The following EYA4 variants were observed in gnomAD, a reference collection of about 807,000 sequenced individuals.
The protein encoded by EYA4 is protein phosphatase EYA4.
A neutral mutation model predicts 87.9 loss-of-function variants in EYA4; 31 were observed. The observed-to-expected ratio is 0.35, with a 90% CI of 0.27 to 0.48. The LOEUF is 0.48. EYA4 is among the 20% of genes least tolerant of loss of function. EYA4 has a pLI of 0.99. For synonymous variants in EYA4, 263 were observed against 270.6 expected, an observed-to-expected ratio of 0.97 and a Z score of 0.28; for missense variants, 678 against 761.4, an observed-to-expected ratio of 0.89 and a Z score of 1.29.
At chr6:133,252,845 G>A (rs1055495242) in intron 1 of EYA4, among the ~76,000 whole-genome samples, 2 of 151,894 alleles carry the variant, frequency 1.3e-5, no homozygotes, top group African/African-American at 2.4e-5. Flanking sequence ...TACTTTAATT[G>A]TATTAGGTAG....
chr6:133,292,200 C>T (rs1359106464), intron 2 of EYA4, among the ~76,000 whole-genome samples: 6 of 152,146 alleles, frequency 3.9e-5, no homozygotes, highest in Non-Finnish European at 5.9e-5. Flanking sequence ...AGACACATTC[C>T]GTTGCACAAA....
intron 3 of EYA4, among the ~76,000 whole-genome samples, chr6:133,389,137 A>C (rs954983881): frequency 6.6e-6 from 1 of 152,072 alleles, no homozygotes; most frequent in Non-Finnish European, 1.5e-5. Context: ...CCCTTCTCTA[A>C]TTAGAGACAA....
At chr6:133,254,403 G>A (rs887505225) in intron 1 of EYA4, among the ~76,000 whole-genome samples, 30 of 152,124 alleles carry the variant, frequency 2.0e-4, no homozygotes, top group South Asian at 4.2e-4. Flanking sequence ...AAAAATATAC[G>A]TGGCCTTTTG....
chr6:133,527,514 C>T (rs1013406125), intron 19 of EYA4, among the ~76,000 whole-genome samples: 1 of 152,180 alleles, frequency 6.6e-6, no homozygotes, highest in African/African-American at 2.4e-5. Flanking sequence ...AATAACATGT[C>T]AACCCAGTAT....
At chr6:133,466,113 A>G (rs1583357487) in intron 10 of EYA4, among the ~76,000 whole-genome samples, 1 of 152,124 alleles carries the variant, frequency 6.6e-6, no homozygotes, top group East Asian at 1.9e-4. Context: ...AGAAGGATTC[A>G]GTCCTCCGAA....
At chr6:133,452,866 T>C (rs1583318421) in intron 5 of EYA4, 1 of 152,212 alleles carries the variant, frequency 6.6e-6, no homozygotes, top group East Asian at 1.9e-4. Flanking sequence ...ACTCACTTAC[T>C]TTGAAGATAC....
intron 2 of EYA4, among the ~76,000 whole-genome samples, chr6:133,323,236 T>C (rs1268291497): frequency 6.6e-6 from 1 of 152,092 alleles, no homozygotes; most frequent in Admixed American, 6.6e-5. Context: ...GTTGGTCAGA[T>C]AGAAGAAGAG....
intron 13 of EYA4, among the ~76,000 whole-genome samples, chr6:133,504,457 A>G (rs1334400920): frequency 6.6e-6 from 1 of 152,212 alleles, no homozygotes; most frequent in East Asian, 1.9e-4. Context: ...TCTCTAAATG[A>G]GAAGATGCAA....
intron 2 of EYA4, among the ~76,000 whole-genome samples, chr6:133,327,597 A>C (rs1162141494): frequency 6.6e-6 from 1 of 152,310 alleles, no homozygotes; most frequent in South Asian, 2.1e-4. Context: ...TTTTTCCCCG[A>C]GTAACAAAGA....
Position 133,506,164 on chromosome 6 carries a change from C to G in EYA4, c.1250C>G (p.Ala417Gly). 6.2e-7 allele frequency: 1 copy of G among 1,608,802 alleles called. No individual in the cohort carries two copies. The highest frequency in any genetic ancestry group is 8.5e-7 in the Non-Finnish European group (1 of 1,175,336). ...ATGGAAGAAATGATTTTTAATCTTG[C>G]TGATACTCATTTGTTTTTTAATGAT... is the stretch of plus-strand genomic sequence containing the variant. The part of the protein sequence containing the change: ...LRMEEMIFNL[A>G]DTHLFFNDLE... Residue 417 changes from alanine (A) to glycine (G), a missense_variant, in exon 14 of 20, where the codon GCT (alanine) becomes GGT (glycine). Coordinates refer to ENST00000355286, the MANE Select transcript of EYA4 (RefSeq NM_004100.5).
chr6:133,398,011 G>C (rs79625933), intron 3 of EYA4, among the ~76,000 whole-genome samples: 4,643 of 152,226 alleles, frequency 0.031, 191 homozygotes, highest in East Asian at 0.18. Flanking sequence ...ATTGTTTTGT[G>C]TGTCTTTTCC....
At position 133,262,566 on chromosome 6, in the gene EYA4, C is replaced by CA. The variant is rs532076556; in HGVS notation, c.-65-12149dup. ...GGCAACCATCACCAATTAGCAAACA[C>CA]AGACAAAATAGAACACCTTGTTTGG... is the stretch of plus-strand genomic sequence containing the variant. On this transcript the variant is annotated intron_variant, in intron 1 of 19. Coordinates refer to ENST00000355286, the MANE Select transcript of EYA4 (RefSeq NM_004100.5). 2.8e-4 allele frequency among the ~76,000 whole-genome samples: 43 copies of CA among 152,296 alleles called. No homozygotes were observed. In the South Asian group the frequency reaches 8.7e-3, roughly 31 times the overall value.
intron 3 of EYA4, among the ~76,000 whole-genome samples, chr6:133,398,201 T>C (rs1787965708): frequency 6.6e-6 from 1 of 152,236 alleles, no homozygotes; most frequent in African/African-American, 2.4e-5. Context: ...TTATTTTCCA[T>C]GTTTGCAATT....
At chr6:133,382,958 A>G (rs1210358061) in intron 3 of EYA4, among the ~76,000 whole-genome samples, 2 of 152,200 alleles carry the variant, frequency 1.3e-5, no homozygotes, top group African/African-American at 2.4e-5. Flanking sequence ...GCCACTTCAT[A>G]TAGGAATTTA....
At chr6:133,428,345 A>G (rs1304194775) in intron 3 of EYA4, among the ~76,000 whole-genome samples, 1 of 152,230 alleles carries the variant, frequency 6.6e-6, no homozygotes, top group Non-Finnish European at 1.5e-5. Flanking sequence ...CTGAGGCTGC[A>G]GATAAGGACA....
At chr6:133,259,861 A>G (rs1335390144) in intron 1 of EYA4, among the ~76,000 whole-genome samples, 1 of 152,212 alleles carries the variant, frequency 6.6e-6, no homozygotes, top group African/African-American at 2.4e-5. Flanking sequence ...TTGGAAAGAT[A>G]TAATTGTGAT....
chr6:133,247,627 T>A (rs1257245592), intron 1 of EYA4: 1 of 152,218 alleles, frequency 6.6e-6, no homozygotes, highest in South Asian at 2.1e-4. Context: ...TTTTACAATT[T>A]TATAGTATTT....
intron 2 of EYA4, among the ~76,000 whole-genome samples, 173 bp downstream of exon 2, chr6:133,274,986 T>G (rs1377421019): frequency 6.6e-6 from 1 of 152,218 alleles, no homozygotes; most frequent in Non-Finnish European, 1.5e-5. Flanking sequence ...ATGCCGTTTC[T>G]GCTTAATGAT....
At chr6:133,429,238 T>A (rs2128580869) in intron 3 of EYA4, among the ~76,000 whole-genome samples, 1 of 152,156 alleles carries the variant, frequency 6.6e-6, no homozygotes, top group African/African-American at 2.4e-5. Flanking sequence ...TTTAGCTTCT[T>A]TTGAGGCACC....
Sources: gnomAD v4.1 joint callset for allele counts (sites outside exome capture counted in the v4.1 genomes callset) on GRCh38, gnomAD v4.1.1 for gene constraint, MANE v1.5 for transcripts, NCBI Gene and HGNC (gene_info 2026-07-23, HGNC 2026-07-21) for gene names.